The following MCM3 variants were observed in gnomAD, a reference collection of about 807,000 sequenced individuals.
MCM3 encodes minichromosome maintenance complex component 3, also known as DNA replication licensing factor MCM3.
A neutral mutation model predicts 91.3 loss-of-function variants in MCM3; 59 were observed. That is an observed-to-expected ratio of 0.65 (90% CI 0.52 to 0.80). The LOEUF (loss-of-function observed/expected upper bound fraction) is 0.80, where lower values mean the gene tolerates loss of function less well. Among genes scored for constraint, MCM3 ranks in the 30% least tolerant of loss-of-function variants. The probability of loss-of-function intolerance (pLI) is 0.00; values close to 1 mark genes in which losing one functional copy is unlikely to be tolerated. For synonymous variants in MCM3, 383 were observed against 379.6 expected, an observed-to-expected ratio of 1.01 and a Z score of -0.10; for missense variants, 919 against 1,035.4, an observed-to-expected ratio of 0.89 and a Z score of 1.54.
intron 1 of MCM3, 105 bp downstream of exon 1, chr6:52,284,492 G>A (rs1371655729): frequency 9.7e-6 from 10 of 1,033,464 alleles, no homozygotes; most frequent in Non-Finnish European, 1.4e-5. Context: ...GGCAGGCTCC[G>A]CTGCGGCACA....
At chr6:52,269,321 C>T (rs1764908939) in intron 12 of MCM3, 95 bp from the exon 13 acceptor site, 2 of 1,232,686 alleles carry the variant, frequency 1.6e-6, no homozygotes, top group East Asian at 2.4e-5. Context: ...ACCAGAAAAG[C>T]CCCAGGAGGC....
At chr6:52,268,096 C>T (rs1764793477) in intron 13 of MCM3, 128 bp from the exon 14 acceptor site, 2 of 1,268,504 alleles carry the variant, frequency 1.6e-6, no homozygotes, top group East Asian at 4.7e-5. Context: ...TTACCTAGCT[C>T]CTCTTGTCCC....
chr6:52,266,197 T>A, intron 15 of MCM3, 53 bp from the exon 16 acceptor site: 1 of 1,362,294 alleles, frequency 7.3e-7, no homozygotes, highest in African/African-American at 1.4e-5. Flanking sequence ...GGTGAAGCCA[T>A]TTCCACAAAC....
chr6:52,281,347 T>C (rs1330828969), intron 4 of MCM3, among the ~76,000 whole-genome samples: 1 of 152,164 alleles, frequency 6.6e-6, no homozygotes, highest in East Asian at 1.9e-4. Flanking sequence ...TATTCCTTAA[T>C]TTTCTAAAAT....
chr6:52,273,729 C>T lies in MCM3; in HGVS notation c.1549+13G>A. 6.2e-7 allele frequency: 1 copy of T among 1,602,428 alleles called. No individual in the cohort carries two copies. Among genetic ancestry groups the T allele is most frequent in the Non-Finnish European group, 8.5e-7 (1 of 1,174,022 alleles). On this transcript the variant is annotated intron_variant, in intron 10 of 16. Transcript: ENST00000596288. ...CTTTCCATTAGTTACTCTTACTATT[C>T]TTATGGCCTCACCATCGCCATCCTG... is the stretch of plus-strand genomic sequence containing the variant.
chr6:52,265,946 C>T, intron 16 of MCM3, 129 bp downstream of exon 16: 1 of 643,636 alleles, frequency 1.6e-6, no homozygotes, highest in Non-Finnish European at 2.7e-6. Context: ...ATGTTAAAAG[C>T]TGCAGGCCTC....
At chr6:52,283,844 CA>C (rs1243749089) in intron 1 of MCM3, among the ~76,000 whole-genome samples, 1 of 152,164 alleles carries the variant, frequency 6.6e-6, no homozygotes, top group African/African-American at 2.4e-5. Flanking sequence ...CCATGTATAT[CA>C]AAACATGTGC....
rs1376265640 is a variant in MCM3, at chr6:52,279,453, C to G, written c.678G>C (p.Val226=). ...SVDVILDDDL[V]DKAKPGDRVQ... ...CCCGGTCACCAGGCTTCGCTTTATC[C>G]ACCAAGTCATCATCCAGAATGACGT... The change falls in exon 5 of 17, where the codon GTG becomes GTC. Residue 226 remains valine, a synonymous_variant. Coordinates refer to ENST00000596288, the MANE Select transcript of MCM3 (RefSeq NM_002388.6). 5 of 1,614,200 alleles carry G rather than the reference C, an allele frequency of 3.1e-6. No individual in the cohort carries two copies. Among genetic ancestry groups the G allele is most frequent in the African/African-American group, 1.3e-5 (1 of 75,048 alleles).
chr6:52,277,384 G>T, intron 7 of MCM3, 151 bp downstream of exon 7: 1 of 972,780 alleles, frequency 1.0e-6, no homozygotes, highest in Non-Finnish European at 1.5e-6. Flanking sequence ...GAATTCCAGA[G>T]ATGACAAAAA....
rs141363701 is a variant in MCM3, at chr6:52,281,759, C to T, written c.531+286G>A. Among the ~76,000 whole-genome samples the T allele has an allele frequency of 1.2e-3, 180 of 152,144 alleles. 1 individual carries two copies. The highest frequency in any genetic ancestry group is 0.01 in the Middle Eastern group (3 of 294). ...CTACTTGGGAGGATCACTTGAGCCC[C>T]GGAGTTTGCAAATTTAGTGCACCAT... On this transcript the variant is annotated intron_variant, in intron 4 of 16. Coordinates refer to ENST00000596288, the MANE Select transcript of MCM3 (RefSeq NM_002388.6).
chr6:52,283,803 G>C (rs1003979558), intron 1 of MCM3, among the ~76,000 whole-genome samples: 2 of 152,190 alleles, frequency 1.3e-5, no homozygotes, highest in African/African-American at 2.4e-5. Flanking sequence ...TGAATAGATG[G>C]ATATGTTGTT....
At chr6:52,282,575 C>G (rs975192002) in intron 3 of MCM3, 78 bp downstream of exon 3, 2 of 1,385,626 alleles carry the variant, frequency 1.4e-6, no homozygotes, top group African/African-American at 2.9e-5. Flanking sequence ...ACAAGCTACC[C>G]AGATCTACTT....
rs1414258485 is a variant in MCM3, at chr6:52,284,734, C to G, written c.-60G>C. 6.4e-7 allele frequency: 1 copy of G among 1,556,322 alleles called. No individual in the cohort carries two copies. The highest frequency in any genetic ancestry group is 8.7e-7 in the Non-Finnish European group (1 of 1,152,318). On this transcript the variant is annotated 5_prime_UTR_variant, in exon 1 of 17. Transcript: ENST00000596288. ...CGTGGAGGTTCCCAGGATGACTCCA[C>G]CCCGGCGCGAAAACTTCCGAACTCT... is the stretch of plus-strand genomic sequence containing the variant.
At chr6:52,267,096 C>CTTTTTTTT (rs70977337) in intron 14 of MCM3, among the ~76,000 whole-genome samples, 24,208 of 110,188 alleles carry the variant, frequency 0.22, 4,128 homozygotes, top group Non-Finnish European at 0.31. Flanking sequence ...AGGGTATCTT[C>CTTTTTTTT]TTTTTTTTTT....
At chr6:52,268,485 T>C (rs1363494437) in intron 13 of MCM3, among the ~76,000 whole-genome samples, 2 of 152,122 alleles carry the variant, frequency 1.3e-5, no homozygotes, top group Admixed American at 6.5e-5. Flanking sequence ...AAGGAAGAGT[T>C]TATTAGACTC....
intron 4 of MCM3, among the ~76,000 whole-genome samples, chr6:52,280,017 G>A (rs750683046): frequency 1.3e-4 from 20 of 151,930 alleles, no homozygotes; most frequent in South Asian, 2.1e-4. Flanking sequence ...GGTTAAACAC[G>A]GTATATTCAC....
intron 13 of MCM3, among the ~76,000 whole-genome samples, chr6:52,268,452 CA>C (rs1342490509): frequency 1.3e-5 from 2 of 152,168 alleles, no homozygotes; most frequent in African/African-American, 4.8e-5. Flanking sequence ...ACTCACAACT[CA>C]ACCCTTAACC....
intron 16 of MCM3, chr6:52,265,427 T>TA (rs1269884358): frequency 4.8e-6 from 1 of 207,608 alleles, no homozygotes; most frequent in African/African-American, 2.4e-5. Context: ...AAGTAAAAAA[T>TA]AAACACTGCA....
chr6:52,279,374 A>G lies in MCM3; in HGVS notation c.757T>C (p.Ser253Pro). The change falls in exon 5 of 17, where the codon TCT (serine) becomes CCT (proline). Residue 253 changes from serine (S) to proline (P), a missense_variant. Physicochemically the swap from Ser to Pro is moderately conservative, Grantham distance 74. Transcript: ENST00000596288. ...CAGACCCTTTACCTGAAGGTCCCAG[A>G]GGTGTAGCCTCCCTTCTTTCCAGGA... ...CLPGKKGGYT[S>P]GTFRTVLIAC... 2 of 1,613,842 alleles carry G rather than the reference A, an allele frequency of 1.2e-6. No individual in the cohort carries two copies. Among genetic ancestry groups the G allele is most frequent in the Non-Finnish European group, 1.7e-6 (2 of 1,179,814 alleles).
Sources: gnomAD v4.1 joint callset for allele counts (sites outside exome capture counted in the v4.1 genomes callset) on GRCh38, gnomAD v4.1.1 for gene constraint, MANE v1.5 for transcripts, NCBI Gene and HGNC (gene_info 2026-07-23, HGNC 2026-07-21) for gene names.